Variants in PAPLN observed in about 807,000 individuals in gnomAD.
PAPLN encodes papilin.
PAPLN carries 146 observed loss-of-function variants against 159.0 expected under a neutral mutation model. The ratio of observed to expected loss-of-function variants is 0.92; its 90% CI spans 0.80 to 1.05. The LOEUF (loss-of-function observed/expected upper bound fraction) is 1.05. Ranked by LOEUF, PAPLN falls within the 50% of genes least tolerant of loss-of-function variation. The pLI, the probability that PAPLN is intolerant of heterozygous loss-of-function variation, is 0.00. For synonymous variants in PAPLN, 734 were observed against 702.9 expected (o/e 1.04, Z -0.70); for missense variants, 1,720 against 1,743.9 (o/e 0.99, Z 0.24).
chr14:73,268,577 C>A lies in PAPLN; in HGVS notation c.3521C>A (p.Ala1174Asp). ...RWSRNGLPVQ[A>D]DGHRVHQSPD... is the part of the protein sequence containing the mutation. Reference sequence around the variant, plus strand: ...TCCAGGAACGGGCTACCTGTGCAGGCTGATGGCCACCGTGTCCACCAGTCC... The same window carrying A: ...TCCAGGAACGGGCTACCTGTGCAGGATGATGGCCACCGTGTCCACCAGTCC... The change falls in exon 26 of 27, where the codon GCT becomes GAT. Residue 1174 changes from alanine (A) to aspartate (D), a missense_variant. Ala to Asp is a moderately radical substitution (Grantham distance 126). Coordinates refer to ENST00000644200, the MANE Select transcript of PAPLN (RefSeq NM_001365906.3). 6.2e-7 allele frequency: 1 copy of A among 1,613,198 alleles called. No individual in the cohort carries two copies. The highest frequency in any genetic ancestry group is 8.5e-7 in the Non-Finnish European group (1 of 1,179,474).
chr14:73,240,686 G>C (rs891620922), intron 2 of PAPLN, among the ~76,000 whole-genome samples: 1 of 152,226 alleles, frequency 6.6e-6, no homozygotes, highest in African/African-American at 2.4e-5. Context: ...CCAGGAAGCT[G>C]GCTGGTGGTC....
At chr14:73,249,825 C>T (rs2293792) in intron 5 of PAPLN, 159 bp from the exon 6 acceptor site, 17,707 of 664,486 alleles carry the variant, frequency 0.027, 1,401 homozygotes, top group African/African-American at 0.22. Context: ...TTCATGGAGA[C>T]GGTCCCTTCT....
At position 73,244,725 on chromosome 14, in the gene PAPLN, G is replaced by A; in HGVS notation, c.136G>A (p.Val46Ile). ...CTGCAGCCGGACCTGTGGAGGGGGT[G>A]TCAGCTTCCGGGAGCGCCCCTGCTA... is the stretch of plus-strand genomic sequence containing the variant. Reference protein sequence around the residue: ...SPCSRTCGGGVSFRERPCYSQ... With the variant: ...SPCSRTCGGGISFRERPCYSQ... The change falls in exon 3 of 27, where the codon GTC becomes ATC. Residue 46 changes from valine (V) to isoleucine (I), a missense_variant. By Grantham distance (29) the Val-to-Ile change is conservative (BLOSUM62 3). Transcript: ENST00000644200. 6.3e-7 allele frequency: 1 copy of A among 1,589,550 alleles called. No homozygotes were observed. Among genetic ancestry groups the A allele is most frequent in the Non-Finnish European group, 8.6e-7 (1 of 1,168,352 alleles).
At chr14:73,252,206 G>A (rs1690917306) in intron 10 of PAPLN, 65 bp downstream of exon 10, 6 of 1,500,666 alleles carry the variant, frequency 4.0e-6, no homozygotes, top group African/African-American at 2.8e-5. Flanking sequence ...GGCCACAGGT[G>A]GGCAAGTCAC....
chr14:73,251,146 G>T (rs1885209199), intron 7 of PAPLN, 116 bp downstream of exon 7: 5 of 1,482,370 alleles, frequency 3.4e-6, no homozygotes, highest in Non-Finnish European at 4.5e-6. Context: ...GCACTGGAAG[G>T]CTCTGATCAT....
intron 20 of PAPLN, 131 bp from the exon 21 acceptor site, chr14:73,264,080 C>A: frequency 6.5e-7 from 1 of 1,537,246 alleles, no homozygotes. Flanking sequence ...CATATTCCCC[C>A]AGCCTCACTT....
intron 21 of PAPLN, 95 bp from the exon 22 acceptor site, chr14:73,264,493 T>G: frequency 6.6e-7 from 1 of 1,524,022 alleles, no homozygotes; most frequent in South Asian, 1.3e-5. Flanking sequence ...GTGGCCCTCA[T>G]TTCTCCGTAA....
intron 2 of PAPLN, among the ~76,000 whole-genome samples, chr14:73,241,775 T>G (rs1883570062): frequency 6.6e-6 from 1 of 152,222 alleles, no homozygotes; most frequent in South Asian, 2.1e-4. Context: ...ACAGAATGAG[T>G]AAATGAATAA....
At position 73,265,671 on chromosome 14, in the gene PAPLN, G is replaced by A. The variant is rs536644015; in HGVS notation, c.3263+164G>A. 5.9e-5 allele frequency among the ~76,000 whole-genome samples: 9 copies of A among 152,360 alleles called. No individual in the cohort carries two copies. The highest frequency in any genetic ancestry group is 1.7e-4 in the African/African-American group (7 of 41,578). ...AGCAGCTGGGCAAAGGGCTCCTTGG[G>A]TTGGCTAACATTTGAGTCTCTGGGC... On this transcript the variant is annotated intron_variant, in intron 23 of 26. Coordinates refer to ENST00000644200, the MANE Select transcript of PAPLN (RefSeq NM_001365906.3). The surrounding 1 kb of genome is among the most constrained non-coding windows in gnomAD (Gnocchi z 4.1).
rs1886249866 is a variant in PAPLN, at chr14:73,259,030, C to T, written c.1679C>T (p.Pro560Leu). The T allele has an allele frequency of 3.7e-6, 6 of 1,612,230 alleles. No individual in the cohort carries two copies. Among genetic ancestry groups the T allele is most frequent in the East Asian group, 2.2e-5 (1 of 44,760 alleles). ...VHTPASNPWM[P>L]LGPQESPASD... ...ACCCCTGCCAGCAACCCCTGGATGC[C>T]GTTGGGCCCTCAGGAGTCCCCTGCC... The change falls in exon 15 of 27, where the codon CCG becomes CTG. Residue 560 changes from proline (P) to leucine (L), a missense_variant. Coordinates refer to ENST00000644200, the MANE Select transcript of PAPLN (RefSeq NM_001365906.3).
chr14:73,239,384 T>A (rs1883292467), intron 1 of PAPLN, among the ~76,000 whole-genome samples: 1 of 152,274 alleles, frequency 6.6e-6, no homozygotes, highest in Non-Finnish European at 1.5e-5. Flanking sequence ...TAGGAGTTTT[T>A]AAACATCTGA....
chr14:73,240,029 G>A (rs999923806), intron 2 of PAPLN, among the ~76,000 whole-genome samples, 197 bp downstream of exon 2: 8 of 151,818 alleles, frequency 5.3e-5, no homozygotes, highest in African/African-American at 1.9e-4. Context: ...TCCCAGAACT[G>A]CCCGCCCGGC....
rs541657573 is a variant in PAPLN, at chr14:73,251,960, C to T, written c.844-58C>T. 74 of 1,562,760 alleles carry T rather than the reference C, an allele frequency of 4.7e-5. No individual in the cohort carries two copies. The Admixed American group carries it at 9.3e-4, about 20-fold the overall frequency. Reference sequence around the variant, plus strand: ...AGGCTGGCAGGGGGCTGTGAGGCTGCGGAGGGTGTGGGAGTGCTCCCCAGC... The same window carrying T: ...AGGCTGGCAGGGGGCTGTGAGGCTGTGGAGGGTGTGGGAGTGCTCCCCAGC... On this transcript the variant is annotated intron_variant, in intron 9 of 26. Coordinates refer to ENST00000644200, the MANE Select transcript of PAPLN (RefSeq NM_001365906.3).
Position 73,252,027 on chromosome 14 carries a change from C to A in PAPLN, c.853C>A (p.Gln285Lys). The change falls in exon 10 of 27, where the codon CAG becomes AAG. Residue 285 changes from glutamine to lysine, a missense_variant. Physicochemically the swap from Gln to Lys is moderately conservative, Grantham distance 53. Coordinates refer to ENST00000644200, the MANE Select transcript of PAPLN (RefSeq NM_001365906.3). The part of the protein sequence containing the change: ...SEPLVIELIS[Q>K]EPNPGVHYEY... ...GACTCTCCCGTGACAGCTCATCAGCCAGGAGCCCAACCCCGGTGTGCACTA... is the reference window on the plus strand; with the variant it reads ...GACTCTCCCGTGACAGCTCATCAGCAAGGAGCCCAACCCCGGTGTGCACTA... 6.2e-7 allele frequency: 1 copy of A among 1,608,954 alleles called. No individual in the cohort carries two copies. The highest frequency in any genetic ancestry group is 8.5e-7 in the Non-Finnish European group (1 of 1,177,402).
intron 17 of PAPLN, 55 bp from the exon 18 acceptor site, chr14:73,261,101 C>T: frequency 8.1e-6 from 13 of 1,613,652 alleles, no homozygotes; most frequent in Non-Finnish European, 1.1e-5. Context: ...AGCCCAGAGT[C>T]CCCAACAATG....
upstream of PAPLN, chr14:73,237,362 G>A (rs1177100441): frequency 6.6e-6 from 1 of 152,374 alleles, no homozygotes; most frequent in Non-Finnish European, 1.5e-5. Context: ...GGAGGCCCCG[G>A]GCAACACCGG....
At chr14:73,239,488 T>G (rs1006739128) in intron 1 of PAPLN, 2 of 441,904 alleles carry the variant, frequency 4.5e-6, no homozygotes, top group Non-Finnish European at 7.9e-6. Context: ...AGAAGTATTT[T>G]TAATTGCTCT....
At chr14:73,247,794 TC>T in intron 5 of PAPLN, among the ~76,000 whole-genome samples, 1 of 67,982 alleles carries the variant, frequency 1.5e-5, no homozygotes, top group Non-Finnish European at 2.6e-5. Context: ...GAGTCTCTTA[TC>T]CCGTGTGTGT....
upstream of PAPLN, among the ~76,000 whole-genome samples, chr14:73,236,485 C>T (rs1883038120): frequency 6.6e-6 from 1 of 151,924 alleles, no homozygotes. Flanking sequence ...CTCAGGAGTT[C>T]GAGACCAGGT....
Sources: gnomAD v4.1 joint callset for allele counts (sites outside exome capture counted in the v4.1 genomes callset) on GRCh38, gnomAD v4.1.1 for gene constraint, Gnocchi (gnomAD v3.1) non-coding constraint, MANE v1.5 for transcripts, NCBI Gene and HGNC (gene_info 2026-07-23, HGNC 2026-07-21) for gene names.